ZHX3: variants seen among roughly 807,000 people sequenced by gnomAD.
The protein encoded by ZHX3 is zinc fingers and homeoboxes protein 3.
ZHX3 carries 20 observed loss-of-function variants against 64.5 expected under a neutral mutation model. That is an observed-to-expected ratio of 0.31 (90% confidence interval 0.22 to 0.45). The LOEUF (loss-of-function observed/expected upper bound fraction) is 0.45. ZHX3 is among the 20% of genes least tolerant of loss of function. ZHX3 has a pLI of 1.00. For missense variants in ZHX3, 1,041 were observed against 1,195.8 expected, an observed-to-expected ratio of 0.87 and a Z score of 1.91; for synonymous variants, 423 against 461.6, an observed-to-expected ratio of 0.92 and a Z score of 1.07.
At chr20:41,192,458 C>T (rs1366823129) in intron 3 of ZHX3, among the ~76,000 whole-genome samples, 1 of 152,216 alleles carries the variant, frequency 6.6e-6, no homozygotes, top group Non-Finnish European at 1.5e-5. Flanking sequence ...TACTACCTTC[C>T]ATTGGAGAGC....
intron 3 of ZHX3, among the ~76,000 whole-genome samples, chr20:41,198,027 G>A (rs2037899441): frequency 7.5e-6 from 1 of 133,962 alleles, no homozygotes; most frequent in African/African-American, 2.9e-5. Context: ...TTTTGTGATG[G>A]AGTCTTGCTC....
Position 41,204,284 on chromosome 20 carries a change from C to T in ZHX3, c.633G>A (p.Val211=). 6.2e-7 allele frequency: 1 copy of T among 1,614,254 alleles called. No individual in the cohort carries two copies. The highest frequency in any genetic ancestry group is 8.5e-7 in the Non-Finnish European group (1 of 1,180,038). The part of the protein sequence containing the change: ...TLKENVPSQP[V]GEALPKLSTG... ...TCGACAGCTTTGGTAAGGCCTCACC[C>T]ACAGGCTGGCTAGGGACATTCTCCT... is the stretch of plus-strand genomic sequence containing the variant. Residue 211 remains valine, a synonymous_variant, in exon 3 of 4, where the codon GTG becomes GTA. Coordinates refer to ENST00000683867, the MANE Select transcript of ZHX3 (RefSeq NM_001384317.1). The surrounding 1 kb of genome is among the most constrained non-coding windows in gnomAD (Gnocchi z 6.6).
At chr20:41,235,294 T>G (rs2040897730) in intron 2 of ZHX3, among the ~76,000 whole-genome samples, 1 of 152,086 alleles carries the variant, frequency 6.6e-6, no homozygotes, top group South Asian at 2.1e-4. Flanking sequence ...ATCCTGATAC[T>G]AAAGCCTGGC....
chr20:41,302,615 T>C (rs1251447920), intron 1 of ZHX3, among the ~76,000 whole-genome samples: 1 of 152,254 alleles, frequency 6.6e-6, no homozygotes, highest in African/African-American at 2.4e-5. Context: ...AGTAGACAGA[T>C]GCCTATTCTC....
At chr20:41,264,513 C>T (rs2042734468) in intron 2 of ZHX3, among the ~76,000 whole-genome samples, 1 of 144,116 alleles carries the variant, frequency 6.9e-6, no homozygotes, top group African/African-American at 2.6e-5. Flanking sequence ...GAGCCAAGAT[C>T]ACGCCACTGC....
At chr20:41,284,774 G>A (rs894602263) in intron 1 of ZHX3, among the ~76,000 whole-genome samples, 2 of 151,942 alleles carry the variant, frequency 1.3e-5, no homozygotes, top group African/African-American at 4.8e-5. Flanking sequence ...TTATGATCTG[G>A]ATCTAAGCCT....
intron 3 of ZHX3, among the ~76,000 whole-genome samples, chr20:41,196,368 A>ATT (rs2037503110): frequency 1.1e-5 from 1 of 89,106 alleles, no homozygotes; most frequent in Non-Finnish European, 2.0e-5. Flanking sequence ...ATAAATATAT[A>ATT]TATTTATATA....
intron 2 of ZHX3, among the ~76,000 whole-genome samples, chr20:41,231,558 T>G (rs1289655571): frequency 6.6e-6 from 1 of 152,214 alleles, no homozygotes; most frequent in Admixed American, 6.5e-5. Flanking sequence ...ACATTCTACC[T>G]TATAATTTTT....
chr20:41,180,701 C>T lies in ZHX3; in HGVS notation c.*4490G>A. 6.6e-6 allele frequency: 1 copy of T among 152,274 alleles called. No individual in the cohort carries two copies. The allele number at this position is 152,274 out of a possible 1,614,324, so 9.4% of individuals were successfully genotyped here. On this transcript the variant is annotated 3_prime_UTR_variant, in exon 4 of 4. Coordinates refer to ENST00000683867, the MANE Select transcript of ZHX3 (RefSeq NM_001384317.1). ...GACCACTTGGTTAGCCCTGCCCCAC[C>T]CCTCCTGGTGTGACCTGGCACTGGG...
intron 2 of ZHX3, among the ~76,000 whole-genome samples, chr20:41,243,418 G>A (rs989106591): frequency 5.9e-5 from 9 of 152,192 alleles, no homozygotes; most frequent in South Asian, 2.1e-4. Flanking sequence ...TCATTTTCCC[G>A]ATTCAATCCA....
rs2043001709 is a variant in ZHX3, at chr20:41,269,103, T to C, written c.-244-20A>G. ...TCAGTCCTATAAAAGAAGCAGCACA[T>C]CATCACTTTATGAGAAAACATTTTA... On this transcript the variant is annotated intron_variant, in intron 1 of 3. Transcript: ENST00000683867. The C allele has an allele frequency of 6.6e-6, 1 of 152,206 alleles. No homozygotes were observed. Among genetic ancestry groups the C allele is most frequent in the South Asian group, 2.1e-4 (1 of 4,836 alleles). 9.4% of individuals were successfully genotyped at this position (152,206 alleles called of 1,614,324 possible).
rs571352225 is a variant in ZHX3 at position 41,242,016 on chromosome 20, T to C, written c.-151+26974A>G. 2.4e-4 allele frequency among the ~76,000 whole-genome samples: 37 copies of C among 152,216 alleles called. No homozygotes were observed. The South Asian group carries it at 5.0e-3, about 21-fold the overall frequency. On this transcript the variant is annotated intron_variant, in intron 2 of 3. Transcript: ENST00000683867. ...GTGTGTGTGTGTACATGTGTGCACCTGTCATTATTTCAAATTTTAAAATAT... is the reference window on the plus strand; with the variant it reads ...GTGTGTGTGTGTACATGTGTGCACCCGTCATTATTTCAAATTTTAAAATAT...
rs1397202044 is a variant in ZHX3 at position 41,224,193 on chromosome 20, C to T, written c.-150-19127G>A. 1.3e-5 allele frequency among the ~76,000 whole-genome samples: 2 copies of T among 152,224 alleles called. No individual in the cohort carries two copies. The highest frequency in any genetic ancestry group is 2.9e-5 in the Non-Finnish European group (2 of 68,044). ...TGTTATCCAGTCTCCAACTGAGTAT[C>T]TCCCAAATGTGGGAGCTAATTATCA... On this transcript the variant is annotated intron_variant, in intron 2 of 3. Coordinates refer to ENST00000683867, the MANE Select transcript of ZHX3 (RefSeq NM_001384317.1). This position sits in a 1 kb window ranked among gnomAD's most constrained non-coding sequence, Gnocchi z 5.2.
chr20:41,226,438 C>G lies in ZHX3; in HGVS notation c.-150-21372G>C, dbSNP rs1452974311. On this transcript the variant is annotated intron_variant, in intron 2 of 3. Coordinates refer to ENST00000683867, the MANE Select transcript of ZHX3 (RefSeq NM_001384317.1). The surrounding 1 kb of genome is among the most constrained non-coding windows in gnomAD (Gnocchi z 4.4). The stretch of plus-strand genomic sequence containing the variant: ...TATCATATTTTATTTATCCATTCAT[C>G]CACTGATGGACATTTAGGTTGCTTC... Among the ~76,000 whole-genome samples the G allele has an allele frequency of 6.6e-6, 1 of 152,128 alleles. No individual in the cohort carries two copies. The highest frequency in any genetic ancestry group is 6.6e-5 in the Admixed American group (1 of 15,266).
intron 1 of ZHX3, among the ~76,000 whole-genome samples, chr20:41,304,615 A>G (rs1478943355): frequency 6.6e-6 from 1 of 152,240 alleles, no homozygotes; most frequent in Non-Finnish European, 1.5e-5. Flanking sequence ...ATACACAGTC[A>G]TACTCACACA....
intron 1 of ZHX3, among the ~76,000 whole-genome samples, chr20:41,295,166 C>A (rs545105639): frequency 4.5e-4 from 69 of 151,810 alleles, no homozygotes; most frequent in African/African-American, 1.6e-3. Context: ...TTTCTTCTTC[C>A]AGAAGAACAA....
intron 2 of ZHX3, among the ~76,000 whole-genome samples, chr20:41,252,504 T>TG (rs1052085716): frequency 6.6e-6 from 1 of 152,192 alleles, no homozygotes; most frequent in African/African-American, 2.4e-5. Flanking sequence ...GCGATGCTGG[T>TG]GGCCACAGCC....
rs754394926 is a variant in ZHX3 at position 41,204,519 on chromosome 20, G to C, written c.398C>G (p.Ser133Cys). ...GLSLHNATCH[S>C]GEASFVWNVA... ...GTTCCACACAAAGCTGGCTTCCCCGGAGTGACATGTGGCATTGTGCAAGGA... is the reference window on the plus strand; with the variant it reads ...GTTCCACACAAAGCTGGCTTCCCCGCAGTGACATGTGGCATTGTGCAAGGA... The change falls in exon 3 of 4, where the codon TCC becomes TGC. Residue 133 changes from serine (S) to cysteine (C), a missense_variant. Around this residue, in one of 4 missense-constraint regions of ZHX3, gnomAD observed 358 missense variants for 369.1 expected, o/e 0.97. Transcript: ENST00000683867. The surrounding 1 kb of genome is among the most constrained non-coding windows in gnomAD (Gnocchi z 6.6). The C allele has an allele frequency of 3.7e-6, 6 of 1,614,184 alleles. No individual in the cohort carries two copies. The South Asian group carries it at 6.6e-5, about 18-fold the overall frequency.
intron 2 of ZHX3, among the ~76,000 whole-genome samples, chr20:41,256,941 C>A (rs2042289004): frequency 1.3e-5 from 2 of 152,064 alleles, no homozygotes; most frequent in South Asian, 4.2e-4. Context: ...CCCCTCCCAC[C>A]TTTTGGAGCC....
Sources: allele counts gnomAD v4.1 joint callset (sites outside exome capture counted in the v4.1 genomes callset), GRCh38; gene constraint gnomAD v4.1.1; regional missense constraint gnomAD v4.1.1; non-coding constraint Gnocchi (gnomAD v3.1); transcripts MANE v1.5; gene names NCBI Gene and HGNC (gene_info 2026-07-23, HGNC 2026-07-21).